Variants in TJP2 observed in about 807,000 individuals in gnomAD.
The protein encoded by TJP2 is tight junction protein 2.
Under a neutral mutation model 133.1 loss-of-function variants are expected in TJP2, and 91 were observed. The observed-to-expected ratio is 0.68, with a 90% CI of 0.58 to 0.81. TJP2 has a LOEUF of 0.81. Ranked by LOEUF, TJP2 falls within the 40% of genes least tolerant of loss-of-function variation. The pLI is 0.00. For synonymous variants in TJP2, 592 were observed against 583.4 expected, an observed-to-expected ratio of 1.01 and a Z score of -0.21; for missense variants, 1,541 against 1,565.6, an observed-to-expected ratio of 0.98 and a Z score of 0.26.
intron 1 of TJP2, among the ~76,000 whole-genome samples, chr9:69,176,975 G>C (rs989451107): frequency 2.4e-4 from 36 of 152,076 alleles, no homozygotes; most frequent in African/African-American, 8.7e-4. Flanking sequence ...TGTGGTGGGG[G>C]CGGGGTGAAG....
At chr9:69,219,920 G>A (rs931614281) in intron 4 of TJP2, among the ~76,000 whole-genome samples, 1 of 152,074 alleles carries the variant, frequency 6.6e-6, no homozygotes, top group Non-Finnish European at 1.5e-5. Flanking sequence ...GGAGATGGAG[G>A]CAGGCAGATC....
intron 16 of TJP2, 47 bp downstream of exon 16, chr9:69,238,836 A>T: frequency 1.4e-6 from 2 of 1,452,994 alleles, no homozygotes; most frequent in Non-Finnish European, 1.9e-6. Flanking sequence ...GAATTAGATT[A>T]TGGTTTGCTG....
At chr9:69,245,610 C>G (rs929172196) in intron 17 of TJP2, among the ~76,000 whole-genome samples, 8 of 152,160 alleles carry the variant, frequency 5.3e-5, no homozygotes, top group African/African-American at 1.7e-4. Flanking sequence ...AAGCAGTTTT[C>G]TGAGCTTGCA....
rs573954110 is a variant in TJP2, at chr9:69,128,759, C to T, written c.-131+7034C>T. ...GCCAGGATGGTCTCAATCTCCTGAC[C>T]TCGTGATCCGCCCGCCTCGGCCTCC... is the stretch of plus-strand genomic sequence containing the variant. On this transcript the variant is annotated intron_variant, in intron 1 of 5. Coordinates refer to the TJP2 transcript ENST00000423935. 2.0e-5 allele frequency among the ~76,000 whole-genome samples: 3 copies of T among 152,236 alleles called. No homozygotes were observed. In the East Asian group the frequency reaches 5.8e-4, roughly 29 times the overall value.
At chr9:69,205,332 A>T (rs2133155082) in intron 1 of TJP2, 1 of 1,521,630 alleles carries the variant, frequency 6.6e-7, no homozygotes, top group Non-Finnish European at 8.8e-7. Flanking sequence ...CTTTATCCTC[A>T]GATTGATTTG....
chr9:69,141,939 C>T (rs1030468516), intron 1 of TJP2, among the ~76,000 whole-genome samples: 2 of 152,132 alleles, frequency 1.3e-5, no homozygotes, highest in Non-Finnish European at 2.9e-5. Context: ...TCTAGCTGTA[C>T]GAATGATGGA....
chr9:69,137,282 T>TA (rs1419400090), intron 1 of TJP2, among the ~76,000 whole-genome samples: 1 of 107,866 alleles, frequency 9.3e-6, no homozygotes, highest in East Asian at 2.7e-4. Context: ...TTTCTTTCTT[T>TA]CTTTCTTTCT....
chr9:69,177,676 G>A (rs1825198465), intron 1 of TJP2, among the ~76,000 whole-genome samples: 1 of 151,094 alleles, frequency 6.6e-6, no homozygotes, highest in Admixed American at 6.6e-5. Context: ...ATGGAGTCTT[G>A]CTCTGTTGCC....
intron 1 of TJP2, among the ~76,000 whole-genome samples, chr9:69,134,976 GGA>G (rs56216843): frequency 0.17 from 25,804 of 148,732 alleles, 2,249 homozygotes; most frequent in South Asian, 0.25. Flanking sequence ...AGAGAGAAGA[GGA>G]GAGAGAGAGA....
chr9:69,183,014 C>T (rs1825623006), intron 1 of TJP2, among the ~76,000 whole-genome samples: 1 of 151,022 alleles, frequency 6.6e-6, no homozygotes, highest in Non-Finnish European at 1.5e-5. Context: ...TCAGGCTGAT[C>T]TCGAACTCCT....
chr9:69,137,263 TTCTTTC>T, intron 1 of TJP2, among the ~76,000 whole-genome samples: 1 of 80,414 alleles, frequency 1.2e-5, no homozygotes, highest in African/African-American at 6.5e-5. Flanking sequence ...CTTTCTTTCT[TTCTTTC>T]TTTTTCTTTC....
chr9:69,186,834 T>C (rs531084222), intron 1 of TJP2, among the ~76,000 whole-genome samples: 20 of 152,338 alleles, frequency 1.3e-4, no homozygotes, highest in African/African-American at 4.6e-4. Flanking sequence ...GAACTAATAT[T>C]ACACAAAAGT....
intron 1 of TJP2, among the ~76,000 whole-genome samples, chr9:69,197,147 G>T: frequency 6.6e-6 from 1 of 152,224 alleles, no homozygotes; most frequent in Non-Finnish European, 1.5e-5. Context: ...TGTGTTTTTA[G>T]TAGAGATGGG....
chr9:69,185,881 C>CTTTTT (rs34030534), intron 1 of TJP2, among the ~76,000 whole-genome samples: 5 of 135,432 alleles, frequency 3.7e-5, no homozygotes, highest in Non-Finnish European at 4.8e-5. Context: ...TAATGTAGTC[C>CTTTTT]TTTTTTTTTT....
chr9:69,173,317 T>C (rs1824791315), upstream of TJP2, among the ~76,000 whole-genome samples: 1 of 152,224 alleles, frequency 6.6e-6, no homozygotes, highest in Non-Finnish European at 1.5e-5. Flanking sequence ...CGGTACCTGT[T>C]TGGATTCTCC....
At position 69,156,618 on chromosome 9, in the gene TJP2, G is replaced by A. The variant is rs575337853; in HGVS notation, c.-10+4847G>A. Among the ~76,000 whole-genome samples the A allele has an allele frequency of 2.2e-4, 30 of 135,084 alleles. No individual in the cohort carries two copies. The South Asian group carries it at 7.1e-3, about 32-fold the overall frequency. The allele number at this position is 135,084 out of a possible 152,430, so 88.6% of individuals were successfully genotyped here. On this transcript the variant is annotated intron_variant, in intron 2 of 5. Coordinates refer to the TJP2 transcript ENST00000423935. ...GCGATCTCCGCTCACTGCAAGCTCCGCCTTCCGGGTTCACGCCATTCTCCT... is the reference window on the plus strand; with the variant it reads ...GCGATCTCCGCTCACTGCAAGCTCCACCTTCCGGGTTCACGCCATTCTCCT...
In TJP2 at chr9:69,197,079, C is replaced by A. The variant is rs1826633955; in HGVS notation, c.61-15469C>A. 2.0e-5 allele frequency among the ~76,000 whole-genome samples: 3 copies of A among 151,962 alleles called. No homozygotes were observed. In the South Asian group the frequency reaches 6.2e-4, roughly 32 times the overall value. On this transcript the variant is annotated intron_variant, in intron 1 of 22. Transcript: ENST00000377245. ...CGCCTCCCCAGTTCAAGTGATTATC[C>A]TGCTTCACCCTCCCCAGCAGCTGGG...
At chr9:69,178,692 C>G (rs1386239691) in intron 1 of TJP2, among the ~76,000 whole-genome samples, 5 of 152,198 alleles carry the variant, frequency 3.3e-5, no homozygotes, top group South Asian at 2.1e-4. Context: ...ATTTGTAGAG[C>G]TAGCTGTTTG....
At position 69,225,341 on chromosome 9, in the gene TJP2, G is replaced by A; in HGVS notation, c.990G>A (p.Lys330=). The A allele has an allele frequency of 6.2e-7, 1 of 1,614,006 alleles. No individual in the cohort carries two copies. Among genetic ancestry groups the A allele is most frequent in the Non-Finnish European group, 8.5e-7 (1 of 1,179,936 alleles). Reference sequence around the variant, plus strand: ...GGCTTGGGAGTCAGATCTTCGTAAAGGAAATGACCCGAACGGGTCTGGCAA... The same window carrying A: ...GGCTTGGGAGTCAGATCTTCGTAAAAGAAATGACCCGAACGGGTCTGGCAA... ...GLRLGSQIFV[K]EMTRTGLATK... The change falls in exon 6 of 23, where the codon AAG becomes AAA. Residue 330 remains lysine, a synonymous_variant. Coordinates refer to ENST00000377245, the MANE Select transcript of TJP2 (RefSeq NM_004817.4).
Sources: gnomAD v4.1 joint callset for allele counts (sites outside exome capture counted in the v4.1 genomes callset) on GRCh38, gnomAD v4.1.1 for gene constraint, MANE v1.5 for transcripts, NCBI Gene and HGNC (gene_info 2026-07-23, HGNC 2026-07-21) for gene names.